Variants in MEGF11 observed in about 807,000 individuals in gnomAD.
MEGF11 encodes the protein multiple EGF like domains 11, also known as multiple epidermal growth factor-like domains protein 11.
MEGF11 carries 126 observed loss-of-function variants against 146.6 expected under a neutral mutation model. The observed-to-expected ratio is 0.86, with a 90% CI of 0.74 to 1.00. The LOEUF (loss-of-function observed/expected upper bound fraction) is 1.00. MEGF11 is among the 50% of genes least tolerant of loss of function. The pLI, the probability that MEGF11 is intolerant of heterozygous loss-of-function variation, is 0.00. For synonymous variants in MEGF11, 532 were observed against 583.4 expected, an observed-to-expected ratio of 0.91 and a Z score of 1.27; for missense variants, 1,509 against 1,521.2, an observed-to-expected ratio of 0.99 and a Z score of 0.13.
intron 4 of MEGF11, among the ~76,000 whole-genome samples, chr15:66,103,398 T>C (rs117121805): frequency 9.5e-4 from 145 of 152,370 alleles, no homozygotes; most frequent in Non-Finnish European, 1.6e-3. Context: ...ACATAACCTC[T>C]CTGTGTCTCC....
chr15:66,096,587 G>T (rs1053185156), intron 4 of MEGF11, among the ~76,000 whole-genome samples: 1 of 152,138 alleles, frequency 6.6e-6, no homozygotes, highest in Non-Finnish European at 1.5e-5. Context: ...CGGTGGGGCC[G>T]TTCCAGAGGG....
intron 1 of MEGF11, among the ~76,000 whole-genome samples, chr15:66,139,016 C>T (rs2089021977): frequency 6.6e-6 from 1 of 152,198 alleles, no homozygotes; most frequent in South Asian, 2.1e-4. Context: ...AGGTGAATTT[C>T]AGTAAGTTTG....
intron 5 of MEGF11, among the ~76,000 whole-genome samples, chr15:66,056,721 C>T (rs2084688203): frequency 6.6e-6 from 1 of 152,172 alleles, no homozygotes; most frequent in Non-Finnish European, 1.5e-5. Context: ...CTGGTCTAGC[C>T]CTTAGGAGGC....
At chr15:66,174,315 C>T (rs557396093) in intron 1 of MEGF11, among the ~76,000 whole-genome samples, 8 of 152,134 alleles carry the variant, frequency 5.3e-5, no homozygotes, top group Non-Finnish European at 1.2e-4. Flanking sequence ...TATTATAAAC[C>T]TCTGGTAACA....
intron 9 of MEGF11, among the ~76,000 whole-genome samples, chr15:65,962,386 A>C (rs565985077): frequency 1.3e-4 from 20 of 152,204 alleles, no homozygotes; most frequent in Non-Finnish European, 2.6e-4. Flanking sequence ...TCTGATTGTC[A>C]GAACTTGGGC....
At chr15:65,984,115 C>G (rs1020803261) in intron 5 of MEGF11, among the ~76,000 whole-genome samples, 1 of 152,198 alleles carries the variant, frequency 6.6e-6, no homozygotes, top group Non-Finnish European at 1.5e-5. Flanking sequence ...TTCACACACA[C>G]ACAAACTGAA....
intron 1 of MEGF11, among the ~76,000 whole-genome samples, chr15:66,129,397 C>T (rs1256222495): frequency 1.3e-5 from 2 of 152,220 alleles, no homozygotes; most frequent in African/African-American, 4.8e-5. Flanking sequence ...GCTGAATGAA[C>T]GCTGCGACTC....
At chr15:66,008,403 GCGCGCGCGCA>G (rs1425088097) in intron 5 of MEGF11, among the ~76,000 whole-genome samples, 3 of 2,998 alleles carry the variant, frequency 1.0e-3, no homozygotes, top group Admixed American at 0.012. Context: ...ACATGCACAC[GCGCGCGCGCA>G]CACACACACA....
Position 65,957,680 on chromosome 15 carries a change from C to T in MEGF11, c.1154G>A (p.Trp385Ter), listed in dbSNP as rs1246663174. 2.5e-6 allele frequency: 4 copies of T among 1,613,890 alleles called. No homozygotes were observed. The South Asian group carries it at 4.4e-5, about 18-fold the overall frequency. Residue 385 changes from tryptophan to a stop codon, truncating the protein, a stop_gained, in exon 10 of 26, where the codon TGG becomes TAG. Coordinates refer to ENST00000395614, the MANE Select transcript of MEGF11 (RefSeq NM_001385028.1). LOFTEE classifies it high-confidence loss of function. ...VTGACTCQPGWSGHHCNESCP... is the reference protein window; with the variant it reads ...VTGACTCQPG Reference sequence around the variant, plus strand: ...GGATTCATTGCAGTGGTGACCAGACCAGCCTGGCTGGCAGGTACAAGCTCC... The same window carrying T: ...GGATTCATTGCAGTGGTGACCAGACTAGCCTGGCTGGCAGGTACAAGCTCC...
chr15:66,108,268 G>C (rs890333700), intron 4 of MEGF11, among the ~76,000 whole-genome samples: 1 of 152,208 alleles, frequency 6.6e-6, no homozygotes, highest in African/African-American at 2.4e-5. Context: ...GAAAATGCCA[G>C]AAACCACAGC....
chr15:66,180,532 G>A (rs1484376661), intron 1 of MEGF11, among the ~76,000 whole-genome samples: 1 of 152,222 alleles, frequency 6.6e-6, no homozygotes, highest in Non-Finnish European at 1.5e-5. Context: ...CCTCCTGACA[G>A]TGGCTTGTAG....
intron 8 of MEGF11, 53 bp from the exon 9 acceptor site, chr15:65,965,173 G>A: frequency 2.1e-6 from 3 of 1,436,068 alleles, no homozygotes; most frequent in Middle Eastern, 1.9e-4. Context: ...CCTCACCTGT[G>A]CTTCAAGATC....
At chr15:65,915,448 G>A in intron 19 of MEGF11, 22 bp downstream of exon 19, 1 of 1,612,096 alleles carries the variant, frequency 6.2e-7, no homozygotes, top group Non-Finnish European at 8.5e-7. Context: ...CAGACCCCGG[G>A]GCTCTGCCAC....
At chr15:66,231,989 A>G (rs1295279719) in intron 1 of MEGF11, among the ~76,000 whole-genome samples, 1 of 152,174 alleles carries the variant, frequency 6.6e-6, no homozygotes, top group Non-Finnish European at 1.5e-5. Flanking sequence ...CATTTTACAG[A>G]TGGTCAAACT....
rs558273500 is a variant in MEGF11, at chr15:65,963,895, A to G, written c.1112+1013T>C. ...ATTTGTGAAAGATCAAAGCCTGGAAATGAAGAGGGGCCCAGGCTAAGTCCT... is the reference window on the plus strand; with the variant it reads ...ATTTGTGAAAGATCAAAGCCTGGAAGTGAAGAGGGGCCCAGGCTAAGTCCT... On this transcript the variant is annotated intron_variant, in intron 9 of 25. Coordinates refer to ENST00000395614, the MANE Select transcript of MEGF11 (RefSeq NM_001385028.1). 1.3e-4 allele frequency among the ~76,000 whole-genome samples: 20 copies of G among 152,352 alleles called. No homozygotes were observed. The South Asian group carries it at 3.7e-3, about 28-fold the overall frequency.
At chr15:66,090,641 G>T (rs972347165) in intron 5 of MEGF11, among the ~76,000 whole-genome samples, 1 of 152,178 alleles carries the variant, frequency 6.6e-6, no homozygotes, top group Admixed American at 6.5e-5. Flanking sequence ...AAGCCAGCAG[G>T]CCCCACGAAT....
rs142291956 is a variant in MEGF11 at position 66,107,039 on chromosome 15, A to T, written c.301+12047T>A. Among the ~76,000 whole-genome samples, 300 of 142,788 alleles carry T rather than the reference A, an allele frequency of 2.1e-3. 1 individual carries two copies. Among genetic ancestry groups the T allele is most frequent in the African/African-American group, 7.1e-3 (268 of 37,894 alleles). 93.7% of individuals were successfully genotyped at this position (142,788 alleles called of 152,430 possible). On this transcript the variant is annotated intron_variant, in intron 4 of 25. Coordinates refer to ENST00000395614, the MANE Select transcript of MEGF11 (RefSeq NM_001385028.1). Reference sequence around the variant, plus strand: ...GATAGGGGTGCCAAGCCTGTAGTTCAATGTTTATATTCCTACCCCCCCACC... The same window carrying T: ...GATAGGGGTGCCAAGCCTGTAGTTCTATGTTTATATTCCTACCCCCCCACC...
chr15:65,976,538 G>T (rs1296773710), intron 7 of MEGF11, among the ~76,000 whole-genome samples: 3 of 152,176 alleles, frequency 2.0e-5, no homozygotes, highest in African/African-American at 7.2e-5. Flanking sequence ...GGGAGAAGAT[G>T]GCCATCTACA....
At chr15:66,039,522 C>T (rs2083865714) in intron 5 of MEGF11, among the ~76,000 whole-genome samples, 1 of 152,172 alleles carries the variant, frequency 6.6e-6, no homozygotes, top group Non-Finnish European at 1.5e-5. Context: ...AGGCATTCTC[C>T]CTACTTTACA....
Sources: gnomAD v4.1 joint callset for allele counts (sites outside exome capture counted in the v4.1 genomes callset) on GRCh38, gnomAD v4.1.1 for gene constraint, MANE v1.5 for transcripts, NCBI Gene and HGNC (gene_info 2026-07-23, HGNC 2026-07-21) for gene names.